PAPPA2: variants seen among roughly 807,000 people sequenced by gnomAD.
PAPPA2 encodes the protein pappalysin 2.
Under a neutral mutation model 176.4 loss-of-function variants are expected in PAPPA2, and 86 were observed. The ratio of observed to expected loss-of-function variants is 0.49; its 90% CI spans 0.41 to 0.58. PAPPA2 has a LOEUF of 0.58. Ranked by LOEUF, PAPPA2 falls within the 20% of genes least tolerant of loss-of-function variation. PAPPA2 has a pLI of 0.00. For synonymous variants in PAPPA2, 809 were observed against 852.2 expected (o/e 0.95, Z 0.88); for missense variants, 2,073 against 2,256.9 (o/e 0.92, Z 1.65).
chr1:176,615,384 C>A (rs557285324), intron 3 of PAPPA2, among the ~76,000 whole-genome samples: 13 of 152,326 alleles, frequency 8.5e-5, no homozygotes, highest in Admixed American at 7.2e-4. Context: ...CATCTCGGCT[C>A]GCTGCAAGCT....
At chr1:176,524,359 G>A (rs1325883367) in intron 1 of PAPPA2, among the ~76,000 whole-genome samples, 1 of 152,114 alleles carries the variant, frequency 6.6e-6, no homozygotes, top group African/African-American at 2.4e-5. Flanking sequence ...GGCTTTCATG[G>A]GCCAGCCCTC....
intron 17 of PAPPA2, among the ~76,000 whole-genome samples, chr1:176,780,436 T>C (rs1366488234): frequency 6.6e-6 from 1 of 152,030 alleles, no homozygotes; most frequent in African/African-American, 2.4e-5. Context: ...CAACAGTAGG[T>C]AGAAAAGAGA....
intron 3 of PAPPA2, among the ~76,000 whole-genome samples, chr1:176,599,194 T>C (rs1393519269): frequency 6.6e-6 from 1 of 151,840 alleles, no homozygotes; most frequent in Non-Finnish European, 1.5e-5. Flanking sequence ...TATGTACATA[T>C]ATATATATAC....
rs762335658 is a variant in PAPPA2 at position 176,768,423 on chromosome 1, T to C, written c.4324-1184T>C. ...ATGGCTTTATTGTTGCATATTTGTG[T>C]TTTCTTTCTTCTTGATCCCAGTTTT... On this transcript the variant is annotated intron_variant, in intron 15 of 22. Transcript: ENST00000367662. Among the ~76,000 whole-genome samples the C allele has an allele frequency of 2.0e-4, 31 of 152,212 alleles. 1 individual carries two copies. Among genetic ancestry groups the C allele is most frequent in the Non-Finnish European group, 7.3e-5 (5 of 68,040 alleles).
chr1:176,654,154 C>T (rs1372391335), intron 3 of PAPPA2, among the ~76,000 whole-genome samples: 1 of 151,532 alleles, frequency 6.6e-6, no homozygotes, highest in Non-Finnish European at 1.5e-5. Flanking sequence ...AAGAGTTTTC[C>T]CTAGGTTTTC....
chr1:176,509,871 A>C (rs1383995836), intron 1 of PAPPA2, among the ~76,000 whole-genome samples: 1 of 148,666 alleles, frequency 6.7e-6, no homozygotes, highest in South Asian at 2.2e-4. Context: ...AAAAAAAACA[A>C]CAAAAAAAAC....
At chr1:176,636,701 C>T (rs959700115) in intron 3 of PAPPA2, among the ~76,000 whole-genome samples, 3 of 152,026 alleles carry the variant, frequency 2.0e-5, no homozygotes, top group African/African-American at 7.2e-5. Flanking sequence ...TATTTTTAAA[C>T]AAATTTCAGA....
At chr1:176,809,195 A>G (rs7513549) in intron 21 of PAPPA2, among the ~76,000 whole-genome samples, 14,041 of 152,150 alleles carry the variant, frequency 0.092, 2,206 homozygotes, top group African/African-American at 0.32. Flanking sequence ...CATGGATTTA[A>G]ATGTGTTTAT....
At chr1:176,797,580 G>A (rs1024094754) in intron 20 of PAPPA2, among the ~76,000 whole-genome samples, 1 of 152,106 alleles carries the variant, frequency 6.6e-6, no homozygotes, top group African/African-American at 2.4e-5. Context: ...CCGAGAGATT[G>A]AGGCTGCAGT....
intron 15 of PAPPA2, among the ~76,000 whole-genome samples, chr1:176,767,593 A>T (rs573948834): frequency 1.1e-4 from 17 of 152,256 alleles, no homozygotes; most frequent in Non-Finnish European, 1.6e-4. Context: ...TGATCCGCCC[A>T]CCTTGCCCTC....
chr1:176,716,906 C>T (rs900897094), intron 12 of PAPPA2, among the ~76,000 whole-genome samples: 7 of 152,092 alleles, frequency 4.6e-5, no homozygotes, highest in Non-Finnish European at 8.8e-5. Context: ...ACACTGCGCC[C>T]GGCCACAACA....
chr1:176,690,532 G>T (rs761694557), intron 5 of PAPPA2, 102 bp downstream of exon 5: 1 of 1,525,574 alleles, frequency 6.6e-7, no homozygotes, highest in South Asian at 1.3e-5. Flanking sequence ...TGATTAAGTG[G>T]TCATTTGTGT....
intron 12 of PAPPA2, among the ~76,000 whole-genome samples, chr1:176,729,888 C>A (rs950648041): frequency 6.6e-6 from 1 of 151,898 alleles, no homozygotes; most frequent in East Asian, 1.9e-4. Flanking sequence ...TAATTAACCC[C>A]TTGATTTGTA....
At position 176,638,230 on chromosome 1, in the gene PAPPA2, T is replaced by A. The variant is rs150002019; in HGVS notation, c.1992-32740T>A. ...AAACCATCTATCCTGATTTTAAGTT[T>A]GAAAATATGCACGCCATACCCATTA... On this transcript the variant is annotated intron_variant, in intron 3 of 22. Transcript: ENST00000367662. Among the ~76,000 whole-genome samples the A allele has an allele frequency of 2.1e-3, 318 of 152,128 alleles. 2 individuals carry two copies. The highest frequency in any genetic ancestry group is 7.5e-3 in the African/African-American group (311 of 41,516).
At chr1:176,681,899 G>T (rs1659603014) in intron 4 of PAPPA2, among the ~76,000 whole-genome samples, 2 of 152,126 alleles carry the variant, frequency 1.3e-5, no homozygotes, top group Non-Finnish European at 2.9e-5. Context: ...ATGTTCTGGA[G>T]CCCAGTGGAC....
chr1:176,694,389 C>T (rs1332595277), intron 6 of PAPPA2, among the ~76,000 whole-genome samples: 1 of 152,156 alleles, frequency 6.6e-6, no homozygotes, highest in Non-Finnish European at 1.5e-5. Flanking sequence ...CCTCTCTGAG[C>T]CTGAGTTTTC....
At chr1:176,686,552 G>C (rs141973876) in intron 4 of PAPPA2, among the ~76,000 whole-genome samples, 156 of 152,254 alleles carry the variant, frequency 1.0e-3, no homozygotes, top group African/African-American at 3.6e-3. Flanking sequence ...GTGGATTAAA[G>C]GTTGGCGAAT....
chr1:176,765,884 G>A (rs765159151), intron 15 of PAPPA2, 47 bp downstream of exon 15: 37 of 1,597,318 alleles, frequency 2.3e-5, no homozygotes, highest in Non-Finnish European at 3.2e-5. Flanking sequence ...CTGGGAAGGG[G>A]AGGTATTCAC....
intron 1 of PAPPA2, among the ~76,000 whole-genome samples, chr1:176,473,199 A>G (rs1651962379): frequency 6.6e-6 from 1 of 151,966 alleles, no homozygotes; most frequent in Admixed American, 6.6e-5. Context: ...CCTCCTTCTA[A>G]CCCCTGTCCT....
Sources: gnomAD v4.1 joint callset for allele counts (sites outside exome capture counted in the v4.1 genomes callset) on GRCh38, gnomAD v4.1.1 for gene constraint, MANE v1.5 for transcripts, NCBI Gene and HGNC (gene_info 2026-07-23, HGNC 2026-07-21) for gene names.